FAN1: variants seen among roughly 807,000 people sequenced by gnomAD.
The protein encoded by FAN1 is FANCD2 and FANCI associated nuclease 1, also known as fanconi-associated nuclease 1.
In FAN1, 91 loss-of-function variants were observed where a neutral mutation model predicts 104.9. That is an observed-to-expected ratio of 0.87 (90% confidence interval 0.73 to 1.03). The LOEUF (loss-of-function observed/expected upper bound fraction) is 1.03. FAN1 is among the 50% of genes least tolerant of loss of function. The pLI is 0.00. For synonymous variants in FAN1, 478 were observed against 457.6 expected, an observed-to-expected ratio of 1.04 and a Z score of -0.57; for missense variants, 1,263 against 1,239.9, an observed-to-expected ratio of 1.02 and a Z score of -0.28.
intron 14 of FAN1, chr15:30,941,239 T>C (rs1364701087): frequency 7.0e-7 from 1 of 1,435,042 alleles, no homozygotes; most frequent in African/African-American, 1.4e-5. Context: ...TTGATCACGG[T>C]TACAAGAGCC....
intron 5 of FAN1, among the ~76,000 whole-genome samples, chr15:30,915,052 C>CA (rs1284277335): frequency 4.6e-5 from 7 of 152,142 alleles, no homozygotes; most frequent in African/African-American, 1.7e-4. Flanking sequence ...GGGAGTCAAC[C>CA]TAAGTGTCCA....
intron 12 of FAN1, among the ~76,000 whole-genome samples, chr15:30,929,972 AATAT>A (rs2062658793): frequency 7.9e-6 from 1 of 126,090 alleles, no homozygotes; most frequent in African/African-American, 3.3e-5. Context: ...TAATATATAA[AATAT>A]ATAATATATA....
intron 3 of FAN1, 60 bp downstream of exon 3, chr15:30,908,318 A>G: frequency 1.4e-6 from 2 of 1,435,810 alleles, no homozygotes; most frequent in Non-Finnish European, 1.9e-6. Flanking sequence ...GAGCTTCTGC[A>G]GAATGATGGC....
chr15:30,943,030 C>T lies in FAN1; in HGVS notation c.*1468C>T. 6.5e-7 allele frequency: 1 copy of T among 1,548,504 alleles called. No individual in the cohort carries two copies. The highest frequency in any genetic ancestry group is 2.4e-5 in the East Asian group (1 of 40,938). On this transcript the variant is annotated 3_prime_UTR_variant, in exon 15 of 15. Coordinates refer to ENST00000362065, the MANE Select transcript of FAN1 (RefSeq NM_014967.5). ...TCCCAAACAGAGGGGAATTTTAAGC[C>T]CTTCTCATCACCCAATTGGATGTTT...
Position 30,924,909 on chromosome 15 carries a change from G to A in FAN1, c.2173-218G>A, listed in dbSNP as rs75349552. 0.014 allele frequency among the ~76,000 whole-genome samples: 2,152 copies of A among 152,302 alleles called. 48 individuals carry two copies. The highest frequency in any genetic ancestry group is 0.05 in the African/African-American group (2,067 of 41,564). ...TCCACCTGGATTACAGCCCGGTCAC[G>A]CTCCAGCACGTTGACTGTGAAGGCT... is the stretch of plus-strand genomic sequence containing the variant. On this transcript the variant is annotated intron_variant, in intron 8 of 14. Coordinates refer to ENST00000362065, the MANE Select transcript of FAN1 (RefSeq NM_014967.5).
chr15:30,916,385 A>T (rs2062199638), intron 5 of FAN1, among the ~76,000 whole-genome samples: 1 of 152,188 alleles, frequency 6.6e-6, no homozygotes, highest in Non-Finnish European at 1.5e-5. Flanking sequence ...GGGAATGCCT[A>T]CTACATGTTC....
At chr15:30,909,126 C>CCT (rs1446697726) in intron 3 of FAN1, among the ~76,000 whole-genome samples, 2 of 152,180 alleles carry the variant, frequency 1.3e-5, no homozygotes, top group Non-Finnish European at 2.9e-5. Flanking sequence ...TAAGTACCTA[C>CCT]CTATGTATTG....
intron 4 of FAN1, chr15:30,911,222 A>T (rs1425969387): frequency 1.0e-6 from 1 of 993,936 alleles, no homozygotes; most frequent in Non-Finnish European, 1.2e-6. Flanking sequence ...AAACGTAACA[A>T]TTTACCAAAA....
At chr15:30,927,126 T>G in intron 10 of FAN1, 1 of 917,118 alleles carries the variant, frequency 1.1e-6, no homozygotes, top group Non-Finnish European at 1.3e-6. Context: ...GGAGGATCTC[T>G]TGACCCCAGG....
Position 30,941,702 on chromosome 15 carries a change from C to G in FAN1, c.*140C>G, listed in dbSNP as rs1240455963. 3 of 1,613,892 alleles carry G rather than the reference C, an allele frequency of 1.9e-6. No individual in the cohort carries two copies. Among genetic ancestry groups the G allele is most frequent in the South Asian group, 1.1e-5 (1 of 91,072 alleles). On this transcript the variant is annotated 3_prime_UTR_variant, in exon 15 of 15. Coordinates refer to ENST00000362065, the MANE Select transcript of FAN1 (RefSeq NM_014967.5). ...CCCATAGCAGGCCTCCAGGGGGCCA[C>G]TGCGCTGTTGCCGCAGCATCCTGCT...
rs1013390031 is a variant in FAN1 at position 30,928,448 on chromosome 15, G to C, written c.2489-105G>C. On this transcript the variant is annotated intron_variant, in intron 10 of 14. Transcript: ENST00000362065. ...TCTAAAATATTTCTATTATTTTCTT[G>C]AAATTGAGTGTGCAGTAGGTTATGG... 3 of 1,516,780 alleles carry C rather than the reference G, an allele frequency of 2.0e-6. No homozygotes were observed. In the Admixed American group the frequency reaches 6.6e-5, roughly 33 times the overall value. The allele number at this position is 1,516,780 out of a possible 1,614,324, so 94.0% of individuals were successfully genotyped here.
chr15:30,914,369 G>C (rs1314386183), intron 5 of FAN1, among the ~76,000 whole-genome samples: 1 of 151,992 alleles, frequency 6.6e-6, no homozygotes, highest in Non-Finnish European at 1.5e-5. Flanking sequence ...AGTATTTTTT[G>C]TTTGTTTGTT....
At chr15:30,918,059 A>G in intron 5 of FAN1, 105 bp from the exon 6 acceptor site, 1 of 1,197,374 alleles carries the variant, frequency 8.4e-7, no homozygotes, top group Non-Finnish European at 1.2e-6. Context: ...CTCATATTTT[A>G]AAAAACACAC....
intron 10 of FAN1, 163 bp from the exon 11 acceptor site, chr15:30,928,390 G>A: frequency 1.4e-6 from 2 of 1,450,766 alleles, no homozygotes; most frequent in Non-Finnish European, 1.8e-6. Context: ...AAAATAAACT[G>A]GGAATGGCGT....
At chr15:30,933,895 G>A (rs560846431) in intron 13 of FAN1, among the ~76,000 whole-genome samples, 77 of 152,112 alleles carry the variant, frequency 5.1e-4, no homozygotes, top group African/African-American at 1.8e-3. Flanking sequence ...TGAGTAGCCC[G>A]AACTATAGGC....
At chr15:30,909,107 A>G (rs950057785) in intron 3 of FAN1, among the ~76,000 whole-genome samples, 2 of 152,210 alleles carry the variant, frequency 1.3e-5, no homozygotes, top group Admixed American at 6.5e-5. Flanking sequence ...TCTTGTCAGT[A>G]GCATTCGTTA....
intron 14 of FAN1, among the ~76,000 whole-genome samples, chr15:30,938,251 C>T (rs564291480): frequency 3.2e-4 from 48 of 152,104 alleles, no homozygotes; most frequent in Non-Finnish European, 6.3e-4. Context: ...TATGGGAAAC[C>T]GAGATTCTTG....
chr15:30,940,031 G>C, intron 14 of FAN1: 7 of 976,650 alleles, frequency 7.2e-6, no homozygotes, highest in Non-Finnish European at 8.5e-6. Context: ...TACATATAAA[G>C]GTAAAATACA....
Position 30,905,161 on chromosome 15 carries a change from T to C in FAN1, c.498T>C (p.Ala166=). The C allele has an allele frequency of 6.2e-7, 1 of 1,613,802 alleles. No individual in the cohort carries two copies. Among genetic ancestry groups the C allele is most frequent in the Non-Finnish European group, 8.5e-7 (1 of 1,179,978 alleles). ...AATTGTCCAGAAAATACGTAAAGGC[T>C]AAAAAATCAATAGATAAGGATGAAG... ...ASKLSRKYVK[A]KKSIDKDEEF... The change falls in exon 2 of 15, where the codon GCT becomes GCC. Residue 166 remains alanine (A), a synonymous_variant. Coordinates refer to ENST00000362065, the MANE Select transcript of FAN1 (RefSeq NM_014967.5).
Sources: gnomAD v4.1 joint callset for allele counts (sites outside exome capture counted in the v4.1 genomes callset) on GRCh38, gnomAD v4.1.1 for gene constraint, MANE v1.5 for transcripts, NCBI Gene and HGNC (gene_info 2026-07-23, HGNC 2026-07-21) for gene names.